The following MELK variants were observed in gnomAD, a reference collection of about 807,000 sequenced individuals.
MELK encodes maternal embryonic leucine zipper kinase, also known as pEg3 kinase.
Under a neutral mutation model 85.0 loss-of-function variants are expected in MELK, and 81 were observed. That is an observed-to-expected ratio of 0.95 (90% confidence interval 0.80 to 1.15). MELK has a LOEUF of 1.15. Ranked by LOEUF, MELK falls within the 50% of genes most tolerant of loss-of-function variation. The pLI, the probability that MELK is intolerant of heterozygous loss-of-function variation, is 0.00. For synonymous variants in MELK, 252 were observed against 265.0 expected (o/e 0.95, Z 0.48); for missense variants, 754 against 777.5 (o/e 0.97, Z 0.36).
At position 36,658,733 on chromosome 9, in the gene MELK, G is replaced by A. The variant is rs556421151; in HGVS notation, c.1176+1370G>A. On this transcript the variant is annotated intron_variant, in intron 13 of 17. Coordinates refer to ENST00000298048, the MANE Select transcript of MELK (RefSeq NM_014791.4). ...GTTTTTTGTTTGAGACAGAGGCTCC[G>A]CTGTATCGCCCAGGCTGGAGCGCAT... Among the ~76,000 whole-genome samples the A allele has an allele frequency of 2.5e-4, 38 of 150,114 alleles. No homozygotes were observed. The South Asian group carries it at 7.9e-3, about 31-fold the overall frequency.
chr9:36,614,934 T>C (rs940388235), intron 8 of MELK, among the ~76,000 whole-genome samples: 1 of 148,268 alleles, frequency 6.7e-6, no homozygotes, highest in African/African-American at 2.5e-5. Flanking sequence ...TCCTGGCCCG[T>C]TCTCAATGAG....
At chr9:36,631,336 C>T (rs937261892) in intron 9 of MELK, among the ~76,000 whole-genome samples, 1 of 152,058 alleles carries the variant, frequency 6.6e-6, no homozygotes, top group Admixed American at 6.6e-5. Flanking sequence ...TGGCTCACCA[C>T]AACCTCCGCT....
chr9:36,615,321 T>C (rs1371155411), intron 8 of MELK, among the ~76,000 whole-genome samples: 11 of 97,520 alleles, frequency 1.1e-4, no homozygotes, highest in African/African-American at 3.0e-4. Context: ...CCCTCCCGGA[T>C]GGGGCGGCTG....
intron 5 of MELK, among the ~76,000 whole-genome samples, chr9:36,596,394 TACAGGC>T (rs1824241291): frequency 6.6e-6 from 1 of 152,052 alleles, no homozygotes; most frequent in African/African-American, 2.4e-5. Flanking sequence ...TAGCTGGGAC[TACAGGC>T]GCCTGCCACC....
rs186850145 is a variant in MELK at position 36,589,655 on chromosome 9, T to G, written c.261+3T>G. On this transcript the variant is annotated splice_donor_region_variant and intron_variant, in intron 4 of 17. Coordinates refer to ENST00000298048, the MANE Select transcript of MELK (RefSeq NM_014791.4). The stretch of plus-strand genomic sequence containing the variant: ...ACAAAATATTCATGGTTCTTGAGGT[T>G]AGTAGTATGTTCCAGATACCTGAAA... 6.3e-7 allele frequency: 1 copy of G among 1,582,296 alleles called. No homozygotes were observed. The highest frequency in any genetic ancestry group is 1.3e-5 in the African/African-American group (1 of 74,360).
chr9:36,646,823 C>G (rs891235604), intron 11 of MELK, among the ~76,000 whole-genome samples: 1 of 152,254 alleles, frequency 6.6e-6, no homozygotes, highest in Non-Finnish European at 1.5e-5. Flanking sequence ...TAGTAGCTGC[C>G]TCTCCTCAAC....
intron 2 of MELK, among the ~76,000 whole-genome samples, chr9:36,582,512 T>C (rs1318355322): frequency 7.2e-6 from 1 of 138,690 alleles, no homozygotes; most frequent in Non-Finnish European, 1.5e-5. Context: ...GGTGGGACAT[T>C]TTACACACAC....
At chr9:36,586,032 T>G (rs1019742205) in intron 3 of MELK, among the ~76,000 whole-genome samples, 13 of 152,248 alleles carry the variant, frequency 8.5e-5, no homozygotes, top group Admixed American at 8.5e-4. Context: ...ATATAAGTTC[T>G]GATTAACACA....
chr9:36,589,349 C>T (rs113119551), intron 3 of MELK, among the ~76,000 whole-genome samples, 187 bp from the exon 4 acceptor site: 5 of 152,100 alleles, frequency 3.3e-5, no homozygotes, highest in African/African-American at 9.6e-5. Context: ...AGGGTTTCAT[C>T]GTGTTAGCCA....
chr9:36,644,116 A>C (rs896525500), intron 11 of MELK, among the ~76,000 whole-genome samples: 8 of 152,134 alleles, frequency 5.3e-5, no homozygotes, highest in African/African-American at 1.9e-4. Context: ...CCCTAAGTGG[A>C]CAAACCAAAT....
intron 3 of MELK, among the ~76,000 whole-genome samples, chr9:36,587,539 ACTC>A (rs575979926): frequency 2.1e-4 from 30 of 143,796 alleles, no homozygotes; most frequent in African/African-American, 7.2e-4. Flanking sequence ...CTTGTCTTGA[ACTC>A]CTGACCTCGT....
At chr9:36,580,922 GT>G (rs1822172620) in intron 1 of MELK, among the ~76,000 whole-genome samples, 1 of 151,728 alleles carries the variant, frequency 6.6e-6, no homozygotes, top group African/African-American at 2.4e-5. Flanking sequence ...TAGAGATGGG[GT>G]TTCACCATGT....
chr9:36,648,883 A>C (rs1245701055), intron 11 of MELK, among the ~76,000 whole-genome samples: 1 of 152,154 alleles, frequency 6.6e-6, no homozygotes, highest in Non-Finnish European at 1.5e-5. Flanking sequence ...AATCACTAGA[A>C]ATTTGAGGAA....
intron 12 of MELK, among the ~76,000 whole-genome samples, chr9:36,652,633 G>A (rs745544158): frequency 1.3e-5 from 2 of 151,266 alleles, no homozygotes; most frequent in South Asian, 2.1e-4. Context: ...GGGAGGATGA[G>A]GCAGGAGAAT....
intron 7 of MELK, among the ~76,000 whole-genome samples, chr9:36,603,529 T>C (rs546174390): frequency 6.6e-6 from 1 of 151,958 alleles, no homozygotes; most frequent in East Asian, 1.9e-4. Flanking sequence ...CCTCCTAGAC[T>C]CAAGCAGTCC....
At position 36,630,328 on chromosome 9, in the gene MELK, C is replaced by G. The variant is rs771749181; in HGVS notation, c.696C>G (p.Leu232=). Residue 232 remains leucine, a synonymous_variant, in exon 9 of 18, where the codon CTC becomes CTG. Coordinates refer to ENST00000298048, the MANE Select transcript of MELK (RefSeq NM_014791.4). ...GAAAATATGATGTTCCCAAGTGGCT[C>G]TCTCCCAGTAGCATTCTGCTTCTTC... ...MRGKYDVPKW[L]SPSSILLLQQ... The G allele has an allele frequency of 6.2e-6, 10 of 1,612,220 alleles. No individual in the cohort carries two copies. Among genetic ancestry groups the G allele is most frequent in the East Asian group, 2.2e-5 (1 of 44,846 alleles).
rs756200115 is a variant in MELK, at chr9:36,677,165, C to T, written c.1784C>T (p.Thr595Ile). 1.2e-6 allele frequency: 2 copies of T among 1,613,256 alleles called. No individual in the cohort carries two copies. The highest frequency in any genetic ancestry group is 1.1e-5 in the South Asian group (1 of 90,820). The stretch of plus-strand genomic sequence containing the variant: ...TCTTATCTTGTTTTTCACAGTTATA[C>T]ACTGAAGTGTCAAACACAGTCAGAT... ...KHVDFVQKGY[T>I]LKCQTQSDFG... Residue 595 changes from threonine (T) to isoleucine (I), a missense_variant, in exon 18 of 18, where the codon ACA becomes ATA. Transcript: ENST00000298048.
At chr9:36,652,029 A>C in intron 12 of MELK, 152 bp downstream of exon 12, 1 of 441,026 alleles carries the variant, frequency 2.3e-6, no homozygotes, top group Non-Finnish European at 3.7e-6. Context: ...GGAAGTTCTG[A>C]AGTTGAACTC....
At position 36,669,403 on chromosome 9, in the gene MELK, G is replaced by A. The variant is rs1336971450; in HGVS notation, c.1502G>A (p.Arg501Lys). The A allele has an allele frequency of 6.3e-7, 1 of 1,588,312 alleles. No homozygotes were observed. Among genetic ancestry groups the A allele is most frequent in the Non-Finnish European group, 8.5e-7 (1 of 1,170,276 alleles). ...KLMTGVISPE[R>K]RCRSVELDLN... ...ATGACAGGTGTCATTAGCCCTGAGA[G>A]GCGGTAAGTGTTTGGTTTTTTTAGA... Residue 501 changes from arginine to lysine, a missense_variant, in exon 15 of 18, where the codon AGG (arginine) becomes AAG (lysine). Physicochemically the swap from Arg to Lys is conservative, Grantham distance 26 (BLOSUM62 2). Coordinates refer to ENST00000298048, the MANE Select transcript of MELK (RefSeq NM_014791.4).
Sources: allele counts gnomAD v4.1 joint callset (sites outside exome capture counted in the v4.1 genomes callset), GRCh38; gene constraint gnomAD v4.1.1; transcripts MANE v1.5; gene names NCBI Gene and HGNC (gene_info 2026-07-23, HGNC 2026-07-21).